The following MAML3 variants were observed in gnomAD, a reference collection of about 807,000 sequenced individuals.
MAML3 encodes the protein mastermind-like protein 3.
A neutral mutation model predicts 101.9 loss-of-function variants in MAML3; 27 were observed. The ratio of observed to expected loss-of-function variants is 0.27; its 90% CI spans 0.20 to 0.37. MAML3 has a LOEUF of 0.37. MAML3 is among the 10% of genes least tolerant of loss of function. MAML3 has a pLI of 1.00. For synonymous variants in MAML3, 501 were observed against 555.9 expected, an observed-to-expected ratio of 0.90 and a Z score of 1.39; for missense variants, 1,316 against 1,444.9, an observed-to-expected ratio of 0.91 and a Z score of 1.45.
intron 2 of MAML3, among the ~76,000 whole-genome samples, chr4:139,830,958 A>C (rs1731154112): frequency 6.6e-6 from 1 of 152,154 alleles, no homozygotes; most frequent in South Asian, 2.1e-4. Context: ...AAACCCAAAC[A>C]AAAAAAGCAA....
chr4:139,822,219 T>TCAC, intron 2 of MAML3, among the ~76,000 whole-genome samples: 1 of 144,290 alleles, frequency 6.9e-6, no homozygotes, highest in South Asian at 2.3e-4. Context: ...ATTATCATTA[T>TCAC]CACCATCACC....
At chr4:139,723,937 C>T (rs6842201) in intron 4 of MAML3, among the ~76,000 whole-genome samples, 28,755 of 152,106 alleles carry the variant, frequency 0.19, 3,093 homozygotes, top group East Asian at 0.26. Context: ...TAACAAGCTC[C>T]GCTGGTGCTT....
chr4:140,126,309 C>T (rs1226788222), intron 1 of MAML3, among the ~76,000 whole-genome samples: 6 of 152,078 alleles, frequency 3.9e-5, no homozygotes, highest in Non-Finnish European at 8.8e-5. Context: ...CTTCCTTAGT[C>T]AAGTCAGCCC....
At chr4:140,026,062 C>T (rs2221777) in intron 1 of MAML3, among the ~76,000 whole-genome samples, 23,123 of 152,084 alleles carry the variant, frequency 0.15, 2,651 homozygotes, top group East Asian at 0.56. Flanking sequence ...GCTTAACATA[C>T]GTCAATCTTC....
At chr4:139,737,684 A>T (rs1728999837) in intron 2 of MAML3, among the ~76,000 whole-genome samples, 1 of 152,256 alleles carries the variant, frequency 6.6e-6, no homozygotes, top group Non-Finnish European at 1.5e-5. Context: ...AAAATAAAAT[A>T]AAACCTTACA....
intron 1 of MAML3, among the ~76,000 whole-genome samples, chr4:139,892,082 T>C (rs1732510992): frequency 6.6e-6 from 1 of 152,218 alleles, no homozygotes; most frequent in South Asian, 2.1e-4. Context: ...CCCCAAAAGA[T>C]GCTCATCTTC....
In MAML3 at chr4:139,785,880, GA is replaced by G. The variant is rs1730296773; in HGVS notation, c.2080-55214del. ...ATAGCGGCCTGCCACATGGTCTAGG[GA>G]AAGTAATTAAATCTTGAATTTTAAG... On this transcript the variant is annotated intron_variant, in intron 2 of 4. Transcript: ENST00000509479. This position sits in a 1 kb window ranked among gnomAD's most constrained non-coding sequence, Gnocchi z 4.3. 6.6e-6 allele frequency among the ~76,000 whole-genome samples: 1 copy of G among 152,062 alleles called. No individual in the cohort carries two copies. The highest frequency in any genetic ancestry group is 2.4e-5 in the African/African-American group (1 of 41,390).
intron 1 of MAML3, among the ~76,000 whole-genome samples, chr4:140,050,012 GA>G (rs1727241912): frequency 6.6e-6 from 1 of 151,986 alleles, no homozygotes; most frequent in South Asian, 2.1e-4. Flanking sequence ...ATCTCTGCTA[GA>G]AAGATTTTTT....
chr4:139,991,501 G>A (rs1734671331), intron 1 of MAML3, among the ~76,000 whole-genome samples: 1 of 152,148 alleles, frequency 6.6e-6, no homozygotes. Context: ...GAATCAACAT[G>A]TGCTGAAAAG....
At chr4:140,124,396 T>A (rs530036724) in intron 1 of MAML3, among the ~76,000 whole-genome samples, 1 of 152,196 alleles carries the variant, frequency 6.6e-6, no homozygotes, top group Non-Finnish European at 1.5e-5. Context: ...TGGTGCCTAA[T>A]GCAGTGAAAA....
At chr4:140,016,780 C>T (rs1482035136) in intron 1 of MAML3, among the ~76,000 whole-genome samples, 2 of 152,186 alleles carry the variant, frequency 1.3e-5, no homozygotes, top group Non-Finnish European at 1.5e-5. Flanking sequence ...CCCACCTTTA[C>T]CTAAACCTCA....
chr4:139,932,178 C>T (rs1276963986), intron 1 of MAML3, among the ~76,000 whole-genome samples: 2 of 15,268 alleles, frequency 1.3e-4, no homozygotes, highest in African/African-American at 4.8e-3. Flanking sequence ...TAACTTTCTC[C>T]TCAGATTTTC....
At chr4:140,090,272 G>A (rs994621029) in intron 1 of MAML3, among the ~76,000 whole-genome samples, 1 of 152,192 alleles carries the variant, frequency 6.6e-6, no homozygotes, top group Non-Finnish European at 1.5e-5. Context: ...ATGAAACAGC[G>A]AAATGAACTC....
At chr4:140,152,464 G>A (rs1041792379) in intron 1 of MAML3, among the ~76,000 whole-genome samples, 2 of 152,118 alleles carry the variant, frequency 1.3e-5, no homozygotes, top group Non-Finnish European at 1.5e-5. Context: ...GAGGCGGCGC[G>A]GCTAGAGGTG....
intron 1 of MAML3, among the ~76,000 whole-genome samples, chr4:140,002,134 G>C (rs1043541345): frequency 6.6e-6 from 1 of 152,160 alleles, no homozygotes; most frequent in East Asian, 1.9e-4. Context: ...TCACCACGTT[G>C]TATAATAGAT....
chr4:139,823,546 G>A (rs1292427220), intron 2 of MAML3, among the ~76,000 whole-genome samples: 1 of 152,140 alleles, frequency 6.6e-6, no homozygotes, highest in Admixed American at 6.5e-5. Flanking sequence ...GTGTTTGCAT[G>A]TGGGCTCTGC....
At chr4:139,830,796 A>C (rs1358790007) in intron 2 of MAML3, among the ~76,000 whole-genome samples, 1 of 152,098 alleles carries the variant, frequency 6.6e-6, no homozygotes, top group Non-Finnish European at 1.5e-5. Flanking sequence ...AGGCATGCCA[A>C]TGATCCCATG....
At chr4:139,983,205 C>T (rs959871598) in intron 1 of MAML3, among the ~76,000 whole-genome samples, 7 of 152,164 alleles carry the variant, frequency 4.6e-5, no homozygotes. Context: ...ACCTTTAGGG[C>T]GTTATACAGA....
At chr4:140,090,591 T>C (rs531096003) in intron 1 of MAML3, among the ~76,000 whole-genome samples, 5 of 152,364 alleles carry the variant, frequency 3.3e-5, no homozygotes, top group African/African-American at 1.2e-4. Flanking sequence ...CAAGGTCAAC[T>C]GGCCCGTGGG....
Sources: allele counts gnomAD v4.1 joint callset (sites outside exome capture counted in the v4.1 genomes callset), GRCh38; gene constraint gnomAD v4.1.1; non-coding constraint Gnocchi (gnomAD v3.1); transcripts MANE v1.5; gene names NCBI Gene and HGNC (gene_info 2026-07-23, HGNC 2026-07-21).